ESYT2: variants seen among roughly 807,000 people sequenced by gnomAD.
ESYT2 encodes extended synaptotagmin 2, also known as extended synaptotagmin-2.
ESYT2 carries 54 observed loss-of-function variants against 107.2 expected under a neutral mutation model. The observed-to-expected ratio is 0.50, with a 90% CI of 0.40 to 0.63. ESYT2 has a LOEUF of 0.63. Ranked by LOEUF, ESYT2 falls within the 30% of genes least tolerant of loss-of-function variation. ESYT2 has a pLI of 0.00. For synonymous variants in ESYT2, 491 were observed against 434.1 expected (o/e 1.13, Z -1.63); for missense variants, 1,020 against 1,094.5 (o/e 0.93, Z 0.96).
Position 158,741,582 on chromosome 7 carries a change from C to T in ESYT2, c.2109G>A (p.Ser703=), listed in dbSNP as rs200023069. Residue 703 remains serine (S), a synonymous_variant, in exon 18 of 23, where the codon TCG becomes TCA. Transcript: ENST00000275418. ...GGGTGGCGATGGGCAGCGAGATGTC[C>T]GAGGCGATGCTGGGGGTCGGCTCCT... ...SVKEPTPSIA[S]DISLPIATQE... The T allele has an allele frequency of 3.9e-5, 63 of 1,609,464 alleles. No individual in the cohort carries two copies. The Admixed American group carries it at 8.0e-4, about 20-fold the overall frequency.
At position 158,735,492 on chromosome 7, in the gene ESYT2, T is replaced by C. The variant is rs536176097; in HGVS notation, c.2505+11A>G. 9 of 1,609,732 alleles carry C rather than the reference T, an allele frequency of 5.6e-6. No homozygotes were observed. The highest frequency in any genetic ancestry group is 4.5e-5 in the East Asian group (2 of 44,844). On this transcript the variant is annotated intron_variant, in intron 21 of 22. Transcript: ENST00000275418. Reference sequence around the variant, plus strand: ...CTGCAGGAACTGGTTGAGGATTCGTTTGGCACTTACTTTGCCAAGGAGCCC... The same window carrying C: ...CTGCAGGAACTGGTTGAGGATTCGTCTGGCACTTACTTTGCCAAGGAGCCC...
At chr7:158,790,116 T>A (rs1839240138) in intron 4 of ESYT2, among the ~76,000 whole-genome samples, 1 of 152,168 alleles carries the variant, frequency 6.6e-6, no homozygotes, top group South Asian at 2.1e-4. Flanking sequence ...GGCCTCCTCC[T>A]TTATTCCACT....
intron 13 of ESYT2, 89 bp from the exon 14 acceptor site, chr7:158,752,932 GAATA>G (rs1360191260): frequency 3.5e-6 from 3 of 851,866 alleles, no homozygotes; most frequent in African/African-American, 3.6e-5. Flanking sequence ...AAATTTATGG[GAATA>G]AACAAACAAA....
At chr7:158,738,057 TA>T (rs956527009) in intron 19 of ESYT2, among the ~76,000 whole-genome samples, 24 of 152,060 alleles carry the variant, frequency 1.6e-4, no homozygotes, top group African/African-American at 5.3e-4. Context: ...AGCGTCTCCA[TA>T]AAAAAATTAA....
At chr7:158,771,975 G>A (rs1448200495) in intron 7 of ESYT2, among the ~76,000 whole-genome samples, 4 of 151,966 alleles carry the variant, frequency 2.6e-5, no homozygotes, top group African/African-American at 9.7e-5. Context: ...ACAAAAATTA[G>A]CCAGGTGTGG....
At position 158,749,636 on chromosome 7, in the gene ESYT2, G is replaced by A. The variant is rs376742181; in HGVS notation, c.1557+13C>T. On this transcript the variant is annotated intron_variant, in intron 15 of 22. Coordinates refer to ENST00000275418, the MANE Select transcript of ESYT2 (RefSeq NM_001367773.1). ...GACAGGCACCAAGGCTGAGTCCAGG[G>A]CGAGCACCTTACCTTGCTCTCCTGG... The A allele has an allele frequency of 5.1e-5, 83 of 1,613,744 alleles. No individual in the cohort carries two copies. The African/African-American group carries it at 6.5e-4, about 13-fold the overall frequency.
At chr7:158,788,169 C>G in intron 5 of ESYT2, 76 bp from the exon 6 acceptor site, 4 of 1,311,700 alleles carry the variant, frequency 3.0e-6, no homozygotes, top group Non-Finnish European at 4.4e-6. Flanking sequence ...AGTTTGCATG[C>G]GAATCTTAGT....
intron 1 of ESYT2, among the ~76,000 whole-genome samples, chr7:158,823,910 T>C (rs1840363852): frequency 1.3e-5 from 2 of 152,202 alleles, no homozygotes; most frequent in South Asian, 4.1e-4. Context: ...TATATCCATA[T>C]AAACTATTTA....
At chr7:158,788,806 A>C (rs1839191203) in intron 4 of ESYT2, among the ~76,000 whole-genome samples, 1 of 152,246 alleles carries the variant, frequency 6.6e-6, no homozygotes, top group Admixed American at 6.5e-5. Flanking sequence ...CTGATGTTTA[A>C]ACATTAAAAA....
intron 9 of ESYT2, among the ~76,000 whole-genome samples, chr7:158,764,013 A>G (rs891671309): frequency 1.3e-5 from 2 of 152,176 alleles, no homozygotes; most frequent in African/African-American, 4.8e-5. Context: ...TCAGTCCTTT[A>G]AAAACTGGTG....
intron 3 of ESYT2, among the ~76,000 whole-genome samples, chr7:158,794,154 T>C (rs1839390145): frequency 6.6e-6 from 1 of 152,272 alleles, no homozygotes; most frequent in South Asian, 2.1e-4. Flanking sequence ...GTTTGAAACA[T>C]AACTTCCTTT....
intron 14 of ESYT2, among the ~76,000 whole-genome samples, 157 bp from the exon 15 acceptor site, chr7:158,749,880 T>C (rs1837527244): frequency 6.6e-6 from 1 of 152,230 alleles, no homozygotes. Flanking sequence ...AAACATAAGC[T>C]ACACACACCC....
rs1478337387 is a variant in ESYT2, at chr7:158,732,017, T to C, written c.*2190A>G. ...CTGGGGACAGCGCTACTGACTCCAC[T>C]GCCTCAGGGCAGGCACGGTGCTGCT... On this transcript the variant is annotated 3_prime_UTR_variant, in exon 23 of 23. Transcript: ENST00000275418. 1 of 152,210 alleles carries C rather than the reference T, an allele frequency of 6.6e-6. No individual in the cohort carries two copies. Among genetic ancestry groups the C allele is most frequent in the Non-Finnish European group, 1.5e-5 (1 of 68,050 alleles). The allele number at this position is 152,210 out of a possible 1,614,324, so 9.4% of individuals were successfully genotyped here. A position where few individuals can be genotyped will look rare whatever the true frequency, so the allele number is the denominator to read the frequency against.
At position 158,739,016 on chromosome 7, in the gene ESYT2, C is replaced by A. The variant is rs576605116; in HGVS notation, c.2267+7G>T. 2.5e-6 allele frequency: 4 copies of A among 1,612,998 alleles called. No homozygotes were observed. The South Asian group carries it at 3.3e-5, about 13-fold the overall frequency. On this transcript the variant is annotated splice_region_variant and intron_variant, in intron 19 of 22. Transcript: ENST00000275418. ...CAGCAGCGGGCGCGTGGGACCCCAGCCCCCACCTGCAGGCATGCACGACCA... is the reference window on the plus strand; with the variant it reads ...CAGCAGCGGGCGCGTGGGACCCCAGACCCCACCTGCAGGCATGCACGACCA...
intron 1 of ESYT2, among the ~76,000 whole-genome samples, chr7:158,799,467 T>C (rs527921352): frequency 2.0e-5 from 3 of 152,274 alleles, no homozygotes; most frequent in Non-Finnish European, 2.9e-5. Flanking sequence ...TCAGAGCCCC[T>C]ACCCTTCCCA....
chr7:158,807,759 G>A (rs1476369629), intron 1 of ESYT2, among the ~76,000 whole-genome samples: 3 of 152,134 alleles, frequency 2.0e-5, no homozygotes, highest in Admixed American at 1.3e-4. Flanking sequence ...TAATGAGCAC[G>A]GCTGTGTTCC....
intron 14 of ESYT2, among the ~76,000 whole-genome samples, chr7:158,750,693 A>G (rs558293604): frequency 1.3e-5 from 2 of 152,216 alleles, no homozygotes; most frequent in Non-Finnish European, 2.9e-5. Context: ...ATTACTGTGG[A>G]AGAGAATACT....
chr7:158,777,449 T>C (rs1838608719), intron 6 of ESYT2, among the ~76,000 whole-genome samples: 1 of 152,168 alleles, frequency 6.6e-6, no homozygotes, highest in African/African-American at 2.4e-5. Flanking sequence ...GTGATTGGCG[T>C]GGGCACAGTT....
intron 2 of ESYT2, 25 bp downstream of exon 2, chr7:158,799,005 TG>T (rs1839555627): frequency 3.1e-6 from 5 of 1,598,904 alleles, no homozygotes; most frequent in Non-Finnish European, 4.3e-6. Flanking sequence ...CACTGATGGA[TG>T]GTAGTTGGTA....
Sources: gnomAD v4.1 joint callset for allele counts (sites outside exome capture counted in the v4.1 genomes callset) on GRCh38, gnomAD v4.1.1 for gene constraint, MANE v1.5 for transcripts, NCBI Gene and HGNC (gene_info 2026-07-23, HGNC 2026-07-21) for gene names.